JCAD: variants seen among roughly 807,000 people sequenced by gnomAD.
The protein encoded by JCAD is junctional cadherin 5-associated protein.
JCAD carries 40 observed loss-of-function variants against 98.0 expected under a neutral mutation model. That is an observed-to-expected ratio of 0.41 (90% CI 0.32 to 0.53). The LOEUF (loss-of-function observed/expected upper bound fraction) is 0.53. JCAD is among the 20% of genes least tolerant of loss of function. The pLI is 0.31. For synonymous variants in JCAD, 691 were observed against 682.3 expected, an observed-to-expected ratio of 1.01 and a Z score of -0.20; for missense variants, 1,705 against 1,738.1, an observed-to-expected ratio of 0.98 and a Z score of 0.34.
At chr10:30,103,477 T>C (rs1255348872) in intron 1 of JCAD, among the ~76,000 whole-genome samples, 2 of 152,148 alleles carry the variant, frequency 1.3e-5, no homozygotes, top group African/African-American at 4.8e-5. Context: ...CACTTAAGAG[T>C]TGGAAGGAAC....
upstream of JCAD, among the ~76,000 whole-genome samples, chr10:30,060,817 C>T (rs976209816): frequency 5.3e-5 from 8 of 152,168 alleles, no homozygotes; most frequent in African/African-American, 1.9e-4. Flanking sequence ...AGATGGCAAG[C>T]TGCAGAATCT....
At chr10:30,085,227 C>A (rs1286353440) in intron 1 of JCAD, among the ~76,000 whole-genome samples, 2 of 151,918 alleles carry the variant, frequency 1.3e-5, no homozygotes, top group Non-Finnish European at 2.9e-5. Flanking sequence ...TATCAGCAAG[C>A]TTCAAATTGG....
intron 1 of JCAD, among the ~76,000 whole-genome samples, chr10:30,100,028 G>C (rs1455515533): frequency 6.6e-6 from 1 of 152,100 alleles, no homozygotes; most frequent in Admixed American, 6.6e-5. Context: ...AGCCTGTGCG[G>C]TCTAACCCTG....
rs1589679282 is a variant in JCAD at position 30,027,097 on chromosome 10, C to T, written c.3051G>A (p.Ala1017=). 1.9e-6 allele frequency: 3 copies of T among 1,614,190 alleles called. No individual in the cohort carries two copies. Among genetic ancestry groups the T allele is most frequent in the Non-Finnish European group, 1.7e-6 (2 of 1,180,040 alleles). The change falls in exon 3 of 4, where the codon GCG becomes GCA. Residue 1017 remains alanine (A), a synonymous_variant. Coordinates refer to ENST00000375377, the MANE Select transcript of JCAD (RefSeq NM_020848.4). ...SAFSSVKPSE[A]VPRKFDSGGE... is the part of the protein sequence containing the mutation. Reference sequence around the variant, plus strand: ...CACCACTGTCAAACTTCCGAGGGACCGCTTCACTTGGTTTCACAGAGCTGA... The same window carrying T: ...CACCACTGTCAAACTTCCGAGGGACTGCTTCACTTGGTTTCACAGAGCTGA...
At chr10:30,056,518 C>G (rs1653893970) in intron 1 of JCAD, among the ~76,000 whole-genome samples, 1 of 145,998 alleles carries the variant, frequency 6.8e-6, no homozygotes, top group Non-Finnish European at 1.5e-5. Context: ...AAGTTGCTTG[C>G]TTTTTTTTTT....
At chr10:30,084,838 TATCC>T (rs1040551463) in intron 1 of JCAD, among the ~76,000 whole-genome samples, 49 of 152,168 alleles carry the variant, frequency 3.2e-4, no homozygotes, top group Non-Finnish European at 6.5e-4. Flanking sequence ...TCTGTGTATC[TATCC>T]ATCCATCCAT....
At chr10:30,045,218 C>A (rs938290370) in intron 2 of JCAD, among the ~76,000 whole-genome samples, 5 of 152,104 alleles carry the variant, frequency 3.3e-5, no homozygotes, top group African/African-American at 9.7e-5. Flanking sequence ...ACACTGCCCA[C>A]ACAGAATTCT....
At chr10:30,098,305 C>G (rs1838410863) in intron 1 of JCAD, among the ~76,000 whole-genome samples, 1 of 152,104 alleles carries the variant, frequency 6.6e-6, no homozygotes, top group African/African-American at 2.4e-5. Flanking sequence ...TAGAAGGTTT[C>G]TTCCATGCTA....
chr10:30,018,682 C>T (rs1400487137), intron 3 of JCAD, among the ~76,000 whole-genome samples: 1 of 152,222 alleles, frequency 6.6e-6, no homozygotes, highest in Non-Finnish European at 1.5e-5. Context: ...CCAAGTCCCA[C>T]AACCTCCAAT....
At chr10:30,110,055 A>G (rs753404028) in intron 1 of JCAD, among the ~76,000 whole-genome samples, 2 of 151,728 alleles carry the variant, frequency 1.3e-5, no homozygotes, top group African/African-American at 2.4e-5. Context: ...ACCCCCCAAT[A>G]TATGGACCAA....
At position 30,026,226 on chromosome 10, in the gene JCAD, C is replaced by T. The variant is rs1373297310; in HGVS notation, c.3922G>A (p.Gly1308Arg). Residue 1308 changes from glycine to arginine, a missense_variant, in exon 3 of 4, where the codon GGG becomes AGG. Physicochemically the swap from Gly to Arg is moderately radical, Grantham distance 125. Transcript: ENST00000375377. The part of the protein sequence containing the change: ...LPGGLVSPGS[G>R]DRAQRLGHSL... ...TGGCCCAATCTCTGGGCACGGTCCC[C>T]ACTGCCAGGAGACACAAGGCCTCCC... 6 of 1,614,080 alleles carry T rather than the reference C, an allele frequency of 3.7e-6. No homozygotes were observed. The highest frequency in any genetic ancestry group is 5.1e-6 in the Non-Finnish European group (6 of 1,180,044).
At chr10:30,097,401 A>G (rs1041035241) in intron 1 of JCAD, among the ~76,000 whole-genome samples, 5 of 152,104 alleles carry the variant, frequency 3.3e-5, no homozygotes, top group African/African-American at 1.2e-4. Flanking sequence ...AAGGAAGCCA[A>G]TTCATTGAGT....
intron 2 of JCAD, among the ~76,000 whole-genome samples, chr10:30,069,485 T>C (rs993999469): frequency 1.3e-5 from 2 of 151,556 alleles, no homozygotes; most frequent in Non-Finnish European, 2.9e-5. Flanking sequence ...ACTGCTAATT[T>C]TGAAGCAGGA....
At chr10:30,061,955 T>A (rs770711593), upstream of JCAD, among the ~76,000 whole-genome samples, 2 of 152,198 alleles carry the variant, frequency 1.3e-5, no homozygotes, top group African/African-American at 4.8e-5. Context: ...AGAACATTTA[T>A]CAGTCAGTGA....
rs1474108100 is a variant in JCAD at position 30,026,137 on chromosome 10, C to G, written c.4011G>C (p.Lys1337Asn). ...REEKEHPAAQ[K>N]EKSMDQDFWC... ...AGAAGTCTTGATCCATGCTCTTCTC[C>G]TTTTGTGCTGCCGGATGCTCCTTCT... Residue 1337 changes from lysine to asparagine, a missense_variant, in exon 3 of 4, where the codon AAG becomes AAC. Around this residue, in one of 3 missense-constraint regions of JCAD, gnomAD observed 1,278 missense variants for 1,243.1 expected, o/e 1.03. Coordinates refer to ENST00000375377, the MANE Select transcript of JCAD (RefSeq NM_020848.4). 6.2e-7 allele frequency: 1 copy of G among 1,614,196 alleles called. No individual in the cohort carries two copies. The highest frequency in any genetic ancestry group is 1.3e-5 in the African/African-American group (1 of 75,064).
chr10:30,036,261 C>T (rs1041026948), intron 2 of JCAD, among the ~76,000 whole-genome samples: 3 of 152,062 alleles, frequency 2.0e-5, no homozygotes, highest in East Asian at 3.9e-4. Flanking sequence ...CTGACCAACA[C>T]GGTGAATGAA....
rs767050776 is a variant in JCAD, at chr10:30,028,423, C to A, written c.1725G>T (p.Met575Ile). Reference protein sequence around the residue: ...TRTKKSSKKKMNETIFCLVSI... With the variant: ...TRTKKSSKKKINETIFCLVSI... ...AAACCAAGCAAAATATAGTCTCGTT[C>A]ATTTTTTTCTTTGAACTTTTCTTGG... Residue 575 changes from methionine to isoleucine, a missense_variant, in exon 3 of 4, where the codon ATG (methionine) becomes ATT (isoleucine). This residue lies in a region of JCAD where 1,278 missense variants were observed against 1,243.1 expected (regional missense o/e 1.03). Transcript: ENST00000375377. 1 of 1,614,146 alleles carries A rather than the reference C, an allele frequency of 6.2e-7. No homozygotes were observed. Among genetic ancestry groups the A allele is most frequent in the Non-Finnish European group, 8.5e-7 (1 of 1,180,036 alleles).
chr10:30,018,494 G>C (rs1261228412), intron 3 of JCAD, among the ~76,000 whole-genome samples: 1 of 152,212 alleles, frequency 6.6e-6, no homozygotes, highest in South Asian at 2.1e-4. Context: ...TCAGCGCAAG[G>C]CTTCTAGAGC....
chr10:30,028,980 G>T lies in JCAD; in HGVS notation c.1168C>A (p.Pro390Thr). The T allele has an allele frequency of 6.2e-7, 1 of 1,613,986 alleles. No individual in the cohort carries two copies. The highest frequency in any genetic ancestry group is 1.1e-5 in the South Asian group (1 of 91,056). Residue 390 changes from proline (P) to threonine (T), a missense_variant, in exon 3 of 4, where the codon CCC (proline) becomes ACC (threonine). Pro to Thr is a conservative substitution (Grantham distance 38). Coordinates refer to ENST00000375377, the MANE Select transcript of JCAD (RefSeq NM_020848.4). ...AGASGQPPSG[P>T]PGTGNEYGVS... ...CCATACTCATTCCCAGTTCCAGGGG[G>T]GCCTGAAGGAGGCTGACCGCTGGCC...
Sources: gnomAD v4.1 joint callset for allele counts (sites outside exome capture counted in the v4.1 genomes callset) on GRCh38, gnomAD v4.1.1 for gene constraint, gnomAD v4.1.1 regional missense constraint, MANE v1.5 for transcripts, NCBI Gene and HGNC (gene_info 2026-07-23, HGNC 2026-07-21) for gene names.